Variants in EPHA6 observed in about 807,000 individuals in gnomAD.
EPHA6 encodes EPH receptor A6.
A neutral mutation model predicts 112.0 loss-of-function variants in EPHA6; 50 were observed. The ratio of observed to expected loss-of-function variants is 0.45; its 90% CI spans 0.36 to 0.56. The LOEUF is 0.56. Ranked by LOEUF, EPHA6 falls within the 20% of genes least tolerant of loss-of-function variation. The pLI is 0.00. For synonymous variants in EPHA6, 529 were observed against 490.7 expected (o/e 1.08, Z -1.03); for missense variants, 1,280 against 1,417.4 (o/e 0.90, Z 1.56).
At chr3:97,294,206 G>A (rs2080797660) in intron 5 of EPHA6, among the ~76,000 whole-genome samples, 1 of 152,190 alleles carries the variant, frequency 6.6e-6, no homozygotes, top group African/African-American at 2.4e-5. Flanking sequence ...TTCATAGTGG[G>A]CAGGGCTCCC....
chr3:97,263,254 A>G (rs978025709), intron 5 of EPHA6, among the ~76,000 whole-genome samples: 16 of 152,196 alleles, frequency 1.1e-4, no homozygotes, highest in Admixed American at 9.2e-4. Context: ...TAGCCTATTT[A>G]AATAATTCTT....
chr3:97,480,307 T>C (rs1352699232), intron 9 of EPHA6, among the ~76,000 whole-genome samples: 1 of 151,998 alleles, frequency 6.6e-6, no homozygotes, highest in African/African-American at 2.4e-5. Flanking sequence ...CATAGGACAA[T>C]AGTGGAGGGA....
At chr3:97,370,351 A>T (rs181843012) in intron 5 of EPHA6, among the ~76,000 whole-genome samples, 1 of 152,338 alleles carries the variant, frequency 6.6e-6, no homozygotes, top group Non-Finnish European at 1.5e-5. Context: ...AAATAAGGAA[A>T]GTCCTTGACC....
At chr3:97,565,773 C>T (rs2093256390) in intron 11 of EPHA6, among the ~76,000 whole-genome samples, 2 of 152,052 alleles carry the variant, frequency 1.3e-5, no homozygotes, top group Non-Finnish European at 2.9e-5. Context: ...AATCCCAGCA[C>T]TTTGGGAGGC....
At chr3:96,817,822 G>A (rs1201044862) in intron 1 of EPHA6, among the ~76,000 whole-genome samples, 1 of 151,628 alleles carries the variant, frequency 6.6e-6, no homozygotes, top group African/African-American at 2.4e-5. Context: ...TGACAAAAAA[G>A]TAAACTACCT....
At chr3:96,914,990 G>GT (rs2039414477) in intron 2 of EPHA6, among the ~76,000 whole-genome samples, 1 of 149,348 alleles carries the variant, frequency 6.7e-6, no homozygotes, top group South Asian at 2.1e-4. Flanking sequence ...TTTGTCAGTA[G>GT]TAATTAAATA....
At chr3:97,699,588 A>G (rs539211187) in intron 14 of EPHA6, among the ~76,000 whole-genome samples, 1 of 152,332 alleles carries the variant, frequency 6.6e-6, no homozygotes, top group East Asian at 1.9e-4. Context: ...TAACTTCTGT[A>G]CTTTACTGCA....
chr3:96,831,890 G>A (rs1325101161), intron 1 of EPHA6, among the ~76,000 whole-genome samples: 2 of 152,086 alleles, frequency 1.3e-5, no homozygotes, highest in South Asian at 2.1e-4. Context: ...GTAGGCATCC[G>A]GAATTATTCA....
chr3:97,529,463 C>T (rs1315272673), intron 10 of EPHA6, among the ~76,000 whole-genome samples: 1 of 151,896 alleles, frequency 6.6e-6, no homozygotes, highest in African/African-American at 2.4e-5. Flanking sequence ...ATACAGTATT[C>T]CTATAGTTGA....
At chr3:97,519,221 C>T (rs918146302) in intron 10 of EPHA6, among the ~76,000 whole-genome samples, 11 of 152,150 alleles carry the variant, frequency 7.2e-5, no homozygotes, top group Non-Finnish European at 1.0e-4. Context: ...TATGGATGTC[C>T]GATTTTTACA....
At position 97,186,214 on chromosome 3, in the gene EPHA6, A is replaced by T. The variant is rs550428411; in HGVS notation, c.1115-40050A>T. Among the ~76,000 whole-genome samples the T allele has an allele frequency of 0.016, 1,719 of 105,756 alleles. 25 individuals are homozygous for T. In the African/African-American group the frequency reaches 0.21, roughly 13 times the overall value. 69.4% of individuals were successfully genotyped at this position (105,756 alleles called of 152,430 possible). On this transcript the variant is annotated intron_variant, in intron 3 of 17. Transcript: ENST00000389672. ...GTACCCTAAAACTTAAAGTATAATA[A>T]AAAAAAATGTCATCCTCAAGAACTA...
intron 6 of EPHA6, among the ~76,000 whole-genome samples, chr3:97,414,887 C>T (rs896405210): frequency 3.6e-4 from 55 of 151,980 alleles, no homozygotes; most frequent in African/African-American, 1.3e-3. Context: ...CATTAAGAGA[C>T]TGGTTGGCTA....
intron 5 of EPHA6, among the ~76,000 whole-genome samples, chr3:97,397,006 G>T (rs1191637715): frequency 6.6e-6 from 1 of 151,372 alleles, no homozygotes; most frequent in Non-Finnish European, 1.5e-5. Flanking sequence ...CATCAGAAAG[G>T]TTTATATTTA....
intron 10 of EPHA6, among the ~76,000 whole-genome samples, chr3:97,512,154 A>G (rs1366482953): frequency 6.6e-6 from 1 of 152,206 alleles, no homozygotes; most frequent in Non-Finnish European, 1.5e-5. Context: ...AAACTTTTTC[A>G]TATTTATTTT....
At chr3:96,964,383 ATTC>A (rs2042049154) in intron 2 of EPHA6, among the ~76,000 whole-genome samples, 1 of 152,088 alleles carries the variant, frequency 6.6e-6, no homozygotes. Flanking sequence ...TCCTACTCAC[ATTC>A]TTCTTTGTTC....
chr3:97,256,863 C>T (rs972041956), intron 5 of EPHA6, among the ~76,000 whole-genome samples: 6 of 151,974 alleles, frequency 3.9e-5, no homozygotes, highest in Non-Finnish European at 7.4e-5. Flanking sequence ...CATGGATTCT[C>T]ATCCAGGAAT....
intron 5 of EPHA6, among the ~76,000 whole-genome samples, chr3:97,371,265 C>T (rs1047410382): frequency 6.6e-6 from 1 of 152,092 alleles, no homozygotes; most frequent in African/African-American, 2.4e-5. Context: ...AAAGTCAACG[C>T]TCATTCATTG....
chr3:97,434,772 A>G (rs571632208), intron 6 of EPHA6, among the ~76,000 whole-genome samples: 1 of 152,188 alleles, frequency 6.6e-6, no homozygotes, highest in African/African-American at 2.4e-5. Context: ...CTGCTTCACA[A>G]TCTGGACCTC....
Position 97,199,577 on chromosome 3 carries a change from G to C in EPHA6, c.1115-26687G>C, listed in dbSNP as rs548880586. Among the ~76,000 whole-genome samples, 4 of 152,252 alleles carry C rather than the reference G, an allele frequency of 2.6e-5. No homozygotes were observed. The South Asian group carries it at 8.3e-4, about 32-fold the overall frequency. On this transcript the variant is annotated intron_variant, in intron 3 of 17. Transcript: ENST00000389672. ...CCTGACCGATAGAGCCTTGAAATTA[G>C]AACAATGGAATCTGTATTCTAGTCC...
Sources: gnomAD v4.1 joint callset for allele counts (sites outside exome capture counted in the v4.1 genomes callset) on GRCh38, gnomAD v4.1.1 for gene constraint, MANE v1.5 for transcripts, NCBI Gene and HGNC (gene_info 2026-07-23, HGNC 2026-07-21) for gene names.